BABAM2: variants seen among roughly 807,000 people sequenced by gnomAD.
BABAM2 encodes the protein BRISC and BRCA1-A complex member 2.
In BABAM2, 31 loss-of-function variants were observed where a neutral mutation model predicts 54.7. The ratio of observed to expected loss-of-function variants is 0.57; its 90% confidence interval spans 0.43 to 0.77. BABAM2 has a LOEUF of 0.77. BABAM2 is among the 30% of genes least tolerant of loss of function. The pLI is 0.00. For missense variants in BABAM2, 364 were observed against 455.8 expected (o/e 0.80, Z 1.83); for synonymous variants, 167 against 162.9 (o/e 1.03, Z -0.19).
chr2:28,202,819 A>G (rs1301094942), intron 7 of BABAM2, among the ~76,000 whole-genome samples: 2 of 152,244 alleles, frequency 1.3e-5, no homozygotes, highest in African/African-American at 4.8e-5. Context: ...AGTACAATGT[A>G]AAAAGCCTGT....
chr2:28,333,453 C>T (rs1334617726), intron 11 of BABAM2, among the ~76,000 whole-genome samples: 3 of 152,152 alleles, frequency 2.0e-5, no homozygotes, highest in African/African-American at 7.2e-5. Flanking sequence ...CAAAAGTAGA[C>T]CCCCTGACTC....
chr2:28,276,055 C>A lies in BABAM2; in HGVS notation c.935-22283C>A, dbSNP rs183335035. Among the ~76,000 whole-genome samples the A allele has an allele frequency of 1.2e-4, 18 of 147,546 alleles. 1 individual carries two copies. In the East Asian group the frequency reaches 3.1e-3, roughly 26 times the overall value. On this transcript the variant is annotated intron_variant, in intron 10 of 11. Coordinates refer to ENST00000379624, the MANE Select transcript of BABAM2 (RefSeq NM_199191.3). ...GAAAAAAATGGGACTAATATGACAA[C>A]AAGATTTTTACCTTCACAGTAAATA...
In BABAM2 at chr2:28,329,472, A is replaced by G. The variant is rs1690763047; in HGVS notation, c.1089-8978A>G. On this transcript the variant is annotated intron_variant, in intron 11 of 11. Coordinates refer to ENST00000379624, the MANE Select transcript of BABAM2 (RefSeq NM_199191.3). The surrounding 1 kb of genome is among the most constrained non-coding windows in gnomAD (Gnocchi z 4.2). ...CACAACCTCCTTGAAAAGAGGTGCT[A>G]GTCAATAAAAAATGATAAAGGGGCT... is the stretch of plus-strand genomic sequence containing the variant. Among the ~76,000 whole-genome samples the G allele has an allele frequency of 6.6e-6, 1 of 152,188 alleles. No individual in the cohort carries two copies. The highest frequency in any genetic ancestry group is 1.5e-5 in the Non-Finnish European group (1 of 68,032).
intron 4 of BABAM2, among the ~76,000 whole-genome samples, chr2:27,999,961 T>G (rs1289657995): frequency 6.6e-6 from 1 of 152,222 alleles, no homozygotes; most frequent in Non-Finnish European, 1.5e-5. Flanking sequence ...GAAGGGCTAT[T>G]TATCTTTTAA....
intron 6 of BABAM2, among the ~76,000 whole-genome samples, chr2:28,105,056 G>A (rs1260879016): frequency 6.6e-6 from 1 of 151,882 alleles, no homozygotes; most frequent in East Asian, 1.9e-4. Context: ...GGGGGATGGG[G>A]GAGGGATAGC....
At chr2:28,260,787 T>A (rs1684431643) in intron 10 of BABAM2, among the ~76,000 whole-genome samples, 1 of 152,168 alleles carries the variant, frequency 6.6e-6, no homozygotes, top group Admixed American at 6.5e-5. Flanking sequence ...TTCATGAACA[T>A]GGTATATGTT....
At chr2:27,955,774 A>G (rs1312735105) in intron 3 of BABAM2, among the ~76,000 whole-genome samples, 1 of 152,214 alleles carries the variant, frequency 6.6e-6, no homozygotes, top group African/African-American at 2.4e-5. Flanking sequence ...TACCTTGGGT[A>G]TGACTTGAAT....
chr2:28,198,816 GGGAAAATAAAAA>G, intron 7 of BABAM2, among the ~76,000 whole-genome samples: 1 of 152,168 alleles, frequency 6.6e-6, no homozygotes, highest in East Asian at 1.9e-4. Context: ...CAAGTGGGAG[GGGAAAATAAAAA>G]GGAAAGGAAA....
chr2:28,277,477 A>G (rs1216197010), intron 10 of BABAM2, among the ~76,000 whole-genome samples: 1 of 152,180 alleles, frequency 6.6e-6, no homozygotes, highest in Non-Finnish European at 1.5e-5. Flanking sequence ...ATTATTCATA[A>G]CCAACAAAGG....
At chr2:28,284,287 A>C (rs1686618170) in intron 10 of BABAM2, among the ~76,000 whole-genome samples, 1 of 152,204 alleles carries the variant, frequency 6.6e-6, no homozygotes, top group South Asian at 2.1e-4. Flanking sequence ...GTAATGACCA[A>C]GGAGCTAGTC....
rs397735161 is a variant in BABAM2, at chr2:28,040,294, C to CTTTTTTTTT, written c.496-5415_496-5407dup. Among the ~76,000 whole-genome samples, 272 of 59,486 alleles carry CTTTTTTTTT rather than the reference C, an allele frequency of 4.6e-3. 41 individuals are homozygous for CTTTTTTTTT. Among genetic ancestry groups the CTTTTTTTTT allele is most frequent in the South Asian group, 0.015 (12 of 796 alleles). The allele number at this position is 59,486 out of a possible 152,430, so 39.0% of individuals were successfully genotyped here. On this transcript the variant is annotated intron_variant, in intron 5 of 11. Coordinates refer to ENST00000379624, the MANE Select transcript of BABAM2 (RefSeq NM_199191.3). Reference sequence around the variant, plus strand: ...CAGTGCCAGAATGAAAAACTGAATTCTTTTTTTTTTTTTTTTTTTTTTTTG... The same window carrying CTTTTTTTTT: ...CAGTGCCAGAATGAAAAACTGAATTCTTTTTTTTTTTTTTTTTTTTTTTTTTTTTTTTTG...
intron 6 of BABAM2, among the ~76,000 whole-genome samples, chr2:28,103,880 C>T (rs1667284672): frequency 6.6e-6 from 1 of 152,192 alleles, no homozygotes; most frequent in Non-Finnish European, 1.5e-5. Context: ...TCTTATCCAA[C>T]ATCAAATTAT....
intron 2 of BABAM2, among the ~76,000 whole-genome samples, chr2:27,926,283 C>A (rs1436259318): frequency 1.3e-5 from 2 of 151,498 alleles, no homozygotes; most frequent in African/African-American, 4.9e-5. Context: ...AATCTTTTGC[C>A]CTTCTCTCCC....
intron 6 of BABAM2, among the ~76,000 whole-genome samples, chr2:28,072,226 G>A (rs1170140309): frequency 6.6e-6 from 1 of 151,894 alleles, no homozygotes; most frequent in Non-Finnish European, 1.5e-5. Context: ...AGGCTGGAGG[G>A]CAGTGGCGCC....
At chr2:28,229,555 A>G (rs1681185805) in intron 7 of BABAM2, among the ~76,000 whole-genome samples, 1 of 151,514 alleles carries the variant, frequency 6.6e-6, no homozygotes. Context: ...CAGCTGATCA[A>G]AATTATCCAT....
At chr2:28,116,004 A>G (rs1668581808) in intron 6 of BABAM2, among the ~76,000 whole-genome samples, 1 of 151,730 alleles carries the variant, frequency 6.6e-6, no homozygotes, top group Non-Finnish European at 1.5e-5. Flanking sequence ...AAACCCAGCT[A>G]CTCGGGAGGC....
At chr2:28,093,949 T>TG (rs946559069) in intron 6 of BABAM2, among the ~76,000 whole-genome samples, 14 of 152,120 alleles carry the variant, frequency 9.2e-5, no homozygotes, top group African/African-American at 3.4e-4. Context: ...GAAGCCAGGC[T>TG]GGGGGGCTGA....
At chr2:27,942,183 C>T (rs1203775919) in intron 3 of BABAM2, among the ~76,000 whole-genome samples, 3 of 152,140 alleles carry the variant, frequency 2.0e-5, no homozygotes, top group Non-Finnish European at 2.9e-5. Flanking sequence ...TGGGGCTTGG[C>T]ATGGATGACT....
chr2:28,007,903 A>G (rs1674087809), intron 4 of BABAM2, among the ~76,000 whole-genome samples: 1 of 152,166 alleles, frequency 6.6e-6, no homozygotes. Flanking sequence ...ATAACCACAG[A>G]TTAACTTGGC....
Sources: gnomAD v4.1 joint callset for allele counts (sites outside exome capture counted in the v4.1 genomes callset) on GRCh38, gnomAD v4.1.1 for gene constraint, Gnocchi (gnomAD v3.1) non-coding constraint, MANE v1.5 for transcripts, NCBI Gene and HGNC (gene_info 2026-07-23, HGNC 2026-07-21) for gene names.